ZKSCAN1: variants seen among roughly 807,000 people sequenced by gnomAD.
ZKSCAN1 encodes the protein zinc finger protein with KRAB and SCAN domains 1.
Under a neutral mutation model 51.6 loss-of-function variants are expected in ZKSCAN1, and 14 were observed. That is an observed-to-expected ratio of 0.27 (90% CI 0.18 to 0.42). The LOEUF is 0.42. ZKSCAN1 is among the 10% of genes least tolerant of loss of function. The pLI is 1.00. For synonymous variants in ZKSCAN1, 263 were observed against 261.5 expected (o/e 1.01, Z -0.06); for missense variants, 531 against 710.0 (o/e 0.75, Z 2.86).
downstream of ZKSCAN1, among the ~76,000 whole-genome samples, chr7:100,042,720 ATATG>A: frequency 7.3e-6 from 1 of 136,554 alleles, no homozygotes; most frequent in African/African-American, 2.9e-5. Flanking sequence ...GTGTATGTGT[ATATG>A]TGTATAGATA....
Position 100,039,243 on chromosome 7 carries a change from C to A in ZKSCAN1, c.*5046C>A. On this transcript the variant is annotated 3_prime_UTR_variant, in exon 6 of 6. Transcript: ENST00000324306. ...AGGAGAATCACCTAAATCTGGGAGG[C>A]AGAGGTTGCAGTGAGCCGAGATTGC... The A allele has an allele frequency of 1.2e-6, 1 of 860,322 alleles. No individual in the cohort carries two copies. Among genetic ancestry groups the A allele is most frequent in the Non-Finnish European group, 1.4e-6 (1 of 716,884 alleles). The allele number at this position is 860,322 out of a possible 1,614,324, so 53.3% of individuals were successfully genotyped here. A position where few individuals can be genotyped will look rare whatever the true frequency, so the allele number is the denominator to read the frequency against.
chr7:100,036,047 A>G lies in ZKSCAN1; in HGVS notation c.*1850A>G. 1 of 985,466 alleles carries G rather than the reference A, an allele frequency of 1.0e-6. No individual in the cohort carries two copies. Among genetic ancestry groups the G allele is most frequent in the Non-Finnish European group, 1.2e-6 (1 of 829,942 alleles). The allele number at this position is 985,466 out of a possible 1,614,324, so 61.0% of individuals were successfully genotyped here. ...GAAACTTATACTAAAACTATTACTC[A>G]TCAGTCATTCACTGATCAGCAGCTA... On this transcript the variant is annotated 3_prime_UTR_variant, in exon 6 of 6. Coordinates refer to ENST00000324306, the MANE Select transcript of ZKSCAN1 (RefSeq NM_003439.4).
chr7:100,033,887 A>G lies in ZKSCAN1; in HGVS notation c.1382A>G (p.Tyr461Cys). Reference protein sequence around the residue: ...HQRIHSGEKPYECNECGKAFS... With the variant: ...HQRIHSGEKPCECNECGKAFS... ...CGCATCCACTCTGGAGAGAAACCTT[A>G]TGAATGTAATGAGTGCGGGAAGGCC... Residue 461 changes from tyrosine (Y) to cysteine (C), a missense_variant, in exon 6 of 6, where the codon TAT (tyrosine) becomes TGT (cysteine). By Grantham distance (194) the Tyr-to-Cys change is radical. Transcript: ENST00000324306. The surrounding 1 kb of genome is among the most constrained non-coding windows in gnomAD (Gnocchi z 4.1). 1 of 1,614,102 alleles carries G rather than the reference A, an allele frequency of 6.2e-7. No homozygotes were observed. The highest frequency in any genetic ancestry group is 8.5e-7 in the Non-Finnish European group (1 of 1,180,020).
chr7:100,033,417 A>G lies in ZKSCAN1; in HGVS notation c.912A>G (p.Lys304=), dbSNP rs1386831698. The change falls in exon 6 of 6, where the codon AAA becomes AAG. Residue 304 remains lysine, a synonymous_variant. Coordinates refer to ENST00000324306, the MANE Select transcript of ZKSCAN1 (RefSeq NM_003439.4). This position sits in a 1 kb window ranked among gnomAD's most constrained non-coding sequence, Gnocchi z 4.1. ...GATCCCAGAAAGAGTTTGGAGAGAA[A>G]CGTGACCAGGAGGGCAAAACAGGAG... is the stretch of plus-strand genomic sequence containing the variant. ...TGRSQKEFGE[K]RDQEGKTGER... 2.5e-6 allele frequency: 4 copies of G among 1,614,116 alleles called. No homozygotes were observed. In the South Asian group the frequency reaches 4.4e-5, roughly 18 times the overall value.
Position 100,036,064 on chromosome 7 carries a change from C to G in ZKSCAN1, c.*1867C>G, listed in dbSNP as rs538774602. ...TATTACTCATCAGTCATTCACTGAT[C>G]AGCAGCTAAAGTCCATGAGACCAAA... On this transcript the variant is annotated 3_prime_UTR_variant, in exon 6 of 6. Transcript: ENST00000324306. 1.0e-6 allele frequency: 1 copy of G among 985,454 alleles called. No homozygotes were observed. The highest frequency in any genetic ancestry group is 1.7e-5 in the African/African-American group (1 of 57,358). The allele number at this position is 985,454 out of a possible 1,614,324, so 61.0% of individuals were successfully genotyped here.
intron 2 of ZKSCAN1, 44 bp downstream of exon 2, chr7:100,023,976 G>A (rs776996542): frequency 3.9e-6 from 6 of 1,528,696 alleles, no homozygotes; most frequent in East Asian, 4.5e-5. Context: ...GGGCACAGAC[G>A]TTGAAACTGG....
In ZKSCAN1 at chr7:100,035,900, C is replaced by G. The variant is rs1167645844; in HGVS notation, c.*1703C>G. ...TCGCCACTCAAGTAGGACAAGGGTC[C>G]TACCCAAGGCTAGGACCGCCCTGCG... On this transcript the variant is annotated 3_prime_UTR_variant, in exon 6 of 6. Coordinates refer to ENST00000324306, the MANE Select transcript of ZKSCAN1 (RefSeq NM_003439.4). 3 of 985,302 alleles carry G rather than the reference C, an allele frequency of 3.0e-6. No individual in the cohort carries two copies. The highest frequency in any genetic ancestry group is 5.2e-4 in the Middle Eastern group (1 of 1,936). 61.0% of individuals were successfully genotyped at this position (985,302 alleles called of 1,614,324 possible). A position where few individuals can be genotyped will look rare whatever the true frequency, so the allele number is the denominator to read the frequency against.
chr7:100,024,031 T>C, intron 2 of ZKSCAN1, 99 bp downstream of exon 2: 1 of 1,521,468 alleles, frequency 6.6e-7, no homozygotes. Context: ...AGGTGGTTAC[T>C]CTGTCTTAAA....
At chr7:100,032,644 T>C (rs1252589920) in intron 5 of ZKSCAN1, among the ~76,000 whole-genome samples, 1 of 152,026 alleles carries the variant, frequency 6.6e-6, no homozygotes, top group Non-Finnish European at 1.5e-5. Flanking sequence ...GTGGATCACC[T>C]GAGGTCAGGA....
chr7:100,026,909 TA>T (rs567799272), intron 3 of ZKSCAN1, among the ~76,000 whole-genome samples: 98 of 152,046 alleles, frequency 6.4e-4, no homozygotes, highest in Admixed American at 6.1e-3. Context: ...TTTTTCTAGT[TA>T]AAAAAATTTT....
In ZKSCAN1 at chr7:100,033,915, C is replaced by T. The variant is rs1224233696; in HGVS notation, c.1410C>T (p.Phe470=). ...PYECNECGKA[F]SQSSDLTKHQ... The stretch of plus-strand genomic sequence containing the variant: ...AATGTAATGAGTGCGGGAAGGCCTT[C>T]AGCCAGAGCTCGGACCTCACCAAGC... The change falls in exon 6 of 6, where the codon TTC becomes TTT. Residue 470 remains phenylalanine, a synonymous_variant. Coordinates refer to ENST00000324306, the MANE Select transcript of ZKSCAN1 (RefSeq NM_003439.4). This position sits in a 1 kb window ranked among gnomAD's most constrained non-coding sequence, Gnocchi z 4.1. 1.2e-6 allele frequency: 2 copies of T among 1,614,088 alleles called. No individual in the cohort carries two copies. Among genetic ancestry groups the T allele is most frequent in the Admixed American group, 1.7e-5 (1 of 59,998 alleles).
intron 3 of ZKSCAN1, among the ~76,000 whole-genome samples, chr7:100,028,023 T>G (rs1316873612): frequency 6.6e-6 from 1 of 152,116 alleles, no homozygotes; most frequent in Admixed American, 6.6e-5. Context: ...TCTTATTTGT[T>G]TTCCAGAGTG....
chr7:100,023,732 C>T lies in ZKSCAN1; in HGVS notation c.226C>T (p.Arg76Trp), dbSNP rs947957835. The T allele has an allele frequency of 6.2e-7, 1 of 1,614,190 alleles. No homozygotes were observed. The highest frequency in any genetic ancestry group is 8.5e-7 in the Non-Finnish European group (1 of 1,180,040). The stretch of plus-strand genomic sequence containing the variant: ...TTTTGGGCCCCGAGAGGCTCTCAGT[C>T]GGCTGAAGGAACTTTGTCATCAGTG... ...NTFGPREALSRLKELCHQWLR... is the reference protein window; with the variant it reads ...NTFGPREALSWLKELCHQWLR... Residue 76 changes from arginine to tryptophan, a missense_variant, in exon 2 of 6, where the codon CGG (arginine) becomes TGG (tryptophan). Arg to Trp is a moderately radical substitution (Grantham distance 101). Coordinates refer to ENST00000324306, the MANE Select transcript of ZKSCAN1 (RefSeq NM_003439.4).
intron 1 of ZKSCAN1, among the ~76,000 whole-genome samples, chr7:100,022,335 G>A (rs750126527): frequency 2.0e-5 from 3 of 152,242 alleles, no homozygotes; most frequent in Non-Finnish European, 4.4e-5. Flanking sequence ...TTATAGGCAT[G>A]AGCCACTGCG....
chr7:100,037,944 T>A lies in ZKSCAN1; in HGVS notation c.*3747T>A. 1 of 881,866 alleles carries A rather than the reference T, an allele frequency of 1.1e-6. No homozygotes were observed. The highest frequency in any genetic ancestry group is 1.4e-6 in the Non-Finnish European group (1 of 735,938). The allele number at this position is 881,866 out of a possible 1,614,324, so 54.6% of individuals were successfully genotyped here. On this transcript the variant is annotated 3_prime_UTR_variant, in exon 6 of 6. Coordinates refer to ENST00000324306, the MANE Select transcript of ZKSCAN1 (RefSeq NM_003439.4). ...CTGAGGCAGGAGAATGGCTTGAACC[T>A]GCGAGGCGGAGGTTGCAGTGAGCTA... is the stretch of plus-strand genomic sequence containing the variant.
intron 1 of ZKSCAN1, among the ~76,000 whole-genome samples, chr7:100,018,239 G>A (rs981934871): frequency 2.0e-5 from 3 of 152,058 alleles, no homozygotes; most frequent in African/African-American, 7.2e-5. Context: ...AGAATGATCG[G>A]GCTTTTAAAA....
At chr7:100,026,187 T>C (rs911917880) in intron 3 of ZKSCAN1, among the ~76,000 whole-genome samples, 3 of 128,884 alleles carry the variant, frequency 2.3e-5, no homozygotes, top group Non-Finnish European at 4.6e-5. Flanking sequence ...ACCATTGTCA[T>C]GCCATCGCAC....
Position 100,041,608 on chromosome 7 carries a change from T to C in ZKSCAN1, c.*7411T>C. ...AGAGTAGTGAGGTTGAGGAAGGAAA[T>C]TGTGGGGATTTGAAATATTCTCTTT... On this transcript the variant is annotated 3_prime_UTR_variant, in exon 6 of 6. Transcript: ENST00000324306. The C allele has an allele frequency of 2.0e-6, 2 of 985,338 alleles. No homozygotes were observed. Among genetic ancestry groups the C allele is most frequent in the Middle Eastern group, 5.2e-4 (1 of 1,914 alleles). The allele number at this position is 985,338 out of a possible 1,614,324, so 61.0% of individuals were successfully genotyped here. A position where few individuals can be genotyped will look rare whatever the true frequency, so the allele number is the denominator to read the frequency against.
At chr7:100,042,338 A>AAAAG (rs1554355805), downstream of ZKSCAN1, among the ~76,000 whole-genome samples, 9 of 139,130 alleles carry the variant, frequency 6.5e-5, 1 homozygote, top group East Asian at 4.3e-4. Flanking sequence ...AAAAAAAAAA[A>AAAAG]GGTGAACTGG....
Sources: allele counts gnomAD v4.1 joint callset (sites outside exome capture counted in the v4.1 genomes callset), GRCh38; gene constraint gnomAD v4.1.1; non-coding constraint Gnocchi (gnomAD v3.1); transcripts MANE v1.5; gene names NCBI Gene and HGNC (gene_info 2026-07-23, HGNC 2026-07-21).